The following ADAR variants were observed in gnomAD, a reference collection of about 807,000 sequenced individuals.
ADAR encodes the protein adenosine deaminase RNA specific.
Under a neutral mutation model 113.2 loss-of-function variants are expected in ADAR, and 41 were observed. The observed-to-expected ratio is 0.36, with a 90% CI of 0.28 to 0.47. The LOEUF is 0.47. ADAR is among the 20% of genes least tolerant of loss of function. The probability of loss-of-function intolerance (pLI) is 1.00; values close to 1 mark genes in which losing one functional copy is unlikely to be tolerated. For missense variants in ADAR, 1,242 were observed against 1,540.9 expected (o/e 0.81, Z 3.25); for synonymous variants, 605 against 572.6 (o/e 1.06, Z -0.81).
chr1:154,620,499 T>C (rs1303567076), intron 1 of ADAR, among the ~76,000 whole-genome samples: 1 of 152,188 alleles, frequency 6.6e-6, no homozygotes, highest in Non-Finnish European at 1.5e-5. Context: ...TCATAGAGCT[T>C]TATTCTTCTT....
rs779117036 is a variant in ADAR at position 154,601,511 on chromosome 1, T to C, written c.1131A>G (p.Pro377=). The change falls in exon 2 of 15, where the codon CCA becomes CCG. Residue 377 remains proline, a synonymous_variant. Coordinates refer to ENST00000368474, the MANE Select transcript of ADAR (RefSeq NM_001111.5). The surrounding 1 kb of genome is among the most constrained non-coding windows in gnomAD (Gnocchi z 4.7). ...TTCTTTTGGTCTCAGGGATTGCAGC[T>C]GGAGCGGTTTCAGGAACACTGTTCG... The part of the protein sequence containing the change: ...RNTNSVPETA[P]AAIPETKRNA... 2 of 1,613,856 alleles carry C rather than the reference T, an allele frequency of 1.2e-6. No individual in the cohort carries two copies. Among genetic ancestry groups the C allele is most frequent in the Non-Finnish European group, 1.7e-6 (2 of 1,180,032 alleles).
At position 154,582,576 on chromosome 1, in the gene ADAR, A is replaced by C. The variant is rs751348427; in HGVS notation, c.*2230T>G. Reference sequence around the variant, plus strand: ...GCTCTCTTCCTACAACAGAAACTGAATACTACAGGCTTGCTAGATAAGATC... The same window carrying C: ...GCTCTCTTCCTACAACAGAAACTGACTACTACAGGCTTGCTAGATAAGATC... On this transcript the variant is annotated 3_prime_UTR_variant, in exon 15 of 15. Transcript: ENST00000368474. The C allele has an allele frequency of 8.5e-5, 13 of 152,234 alleles. No individual in the cohort carries two copies. Among genetic ancestry groups the C allele is most frequent in the Admixed American group, 5.2e-4 (8 of 15,272 alleles). The allele number at this position is 152,234 out of a possible 1,614,324, so 9.4% of individuals were successfully genotyped here.
chr1:154,627,748 G>A, intron 1 of ADAR: 1 of 442,988 alleles, frequency 2.3e-6, no homozygotes, highest in Admixed American at 2.4e-5. Flanking sequence ...TGCCCTGCCG[G>A]GGCGCCCCCA....
chr1:154,584,245 T>A lies in ADAR; in HGVS notation c.*561A>T, dbSNP rs1696593581. 1 of 154,106 alleles carries A rather than the reference T, an allele frequency of 6.5e-6. No individual in the cohort carries two copies. The highest frequency in any genetic ancestry group is 2.4e-5 in the African/African-American group (1 of 41,422). 9.5% of individuals were successfully genotyped at this position (154,106 alleles called of 1,614,324 possible). A position where few individuals can be genotyped will look rare whatever the true frequency, so the allele number is the denominator to read the frequency against. On this transcript the variant is annotated 3_prime_UTR_variant, in exon 15 of 15. Transcript: ENST00000368474. ...GGCACTGGGAACTGCAGTTTTCAACTCCTACCCTTACAAATGTTTCACCAA... is the reference window on the plus strand; with the variant it reads ...GGCACTGGGAACTGCAGTTTTCAACACCTACCCTTACAAATGTTTCACCAA...
intron 1 of ADAR, among the ~76,000 whole-genome samples, chr1:154,619,769 G>C (rs186610534): frequency 6.6e-6 from 1 of 152,244 alleles, no homozygotes; most frequent in South Asian, 2.1e-4. Flanking sequence ...CTACAGAATG[G>C]CTAAAATAAA....
chr1:154,616,682 A>G (rs1698643438), intron 1 of ADAR, among the ~76,000 whole-genome samples: 1 of 152,172 alleles, frequency 6.6e-6, no homozygotes, highest in Non-Finnish European at 1.5e-5. Context: ...AAGTTCCAAG[A>G]AGCTAGGGCT....
At chr1:154,607,733 GCACACACA>G (rs551880161) in intron 1 of ADAR, among the ~76,000 whole-genome samples, 7 of 74,836 alleles carry the variant, frequency 9.4e-5, no homozygotes, top group Non-Finnish European at 1.7e-4. Context: ...ACACACACAC[GCACACACA>G]CACACACACA....
intron 6 of ADAR, among the ~76,000 whole-genome samples, chr1:154,593,359 T>C (rs1162439408): frequency 6.6e-6 from 1 of 152,218 alleles, no homozygotes; most frequent in Non-Finnish European, 1.5e-5. Flanking sequence ...CAGTGTCCTC[T>C]GTGTCCCCAC....
chr1:154,588,490 G>C (rs1696913208), intron 10 of ADAR, 61 bp downstream of exon 10: 1 of 1,604,928 alleles, frequency 6.2e-7, no homozygotes, highest in Non-Finnish European at 8.5e-7. Context: ...GAGAGCATTT[G>C]GATACCCAAT....
intron 1 of ADAR, among the ~76,000 whole-genome samples, chr1:154,618,841 G>A (rs1052672876): frequency 2.0e-5 from 3 of 152,212 alleles, no homozygotes; most frequent in African/African-American, 7.2e-5. Flanking sequence ...CGGCCGTGGT[G>A]GCTTATGCCT....
chr1:154,593,245 A>G (rs1697281985), intron 6 of ADAR, among the ~76,000 whole-genome samples: 1 of 152,156 alleles, frequency 6.6e-6, no homozygotes, highest in African/African-American at 2.4e-5. Context: ...ATTAAGAAGC[A>G]ACTAAAGTAT....
chr1:154,599,962 T>C lies in ADAR; in HGVS notation c.1601+1079A>G, dbSNP rs58670168. On this transcript the variant is annotated intron_variant, in intron 2 of 14. Coordinates refer to ENST00000368474, the MANE Select transcript of ADAR (RefSeq NM_001111.5). The stretch of plus-strand genomic sequence containing the variant: ...CCCCAGGAGCTATGCAGAGGGGGGA[T>C]TGTGGACCTGCTGCTGCTTAGCAGC... Among the ~76,000 whole-genome samples, 1,201 of 152,272 alleles carry C rather than the reference T, an allele frequency of 7.9e-3. 21 individuals carry two copies. The highest frequency in any genetic ancestry group is 0.027 in the African/African-American group (1,110 of 41,562).
intron 1 of ADAR, among the ~76,000 whole-genome samples, chr1:154,614,542 C>T (rs778092381): frequency 1.3e-5 from 2 of 152,274 alleles, no homozygotes; most frequent in Non-Finnish European, 2.9e-5. Context: ...TCAAGGCAGC[C>T]ACTGCCCTGC....
chr1:154,587,846 A>G (rs935791207), intron 11 of ADAR, among the ~76,000 whole-genome samples: 3 of 152,276 alleles, frequency 2.0e-5, no homozygotes, highest in African/African-American at 7.2e-5. Flanking sequence ...GATGACTCCC[A>G]TATTTCTATT....
At chr1:154,623,595 A>G (rs576192331) in intron 1 of ADAR, among the ~76,000 whole-genome samples, 4 of 152,298 alleles carry the variant, frequency 2.6e-5, no homozygotes, top group African/African-American at 9.6e-5. Context: ...GACCTCTCCA[A>G]TTGTGGTCTC....
At position 154,585,424 on chromosome 1, in the gene ADAR, G is replaced by C. The variant is rs558624350; in HGVS notation, c.3316-80C>G. Reference sequence around the variant, plus strand: ...CTGAAGCAGGGACTCAAGACTCATAGGAGAGAGGAAGTGTGGGGTCATGAT... The same window carrying C: ...CTGAAGCAGGGACTCAAGACTCATACGAGAGAGGAAGTGTGGGGTCATGAT... On this transcript the variant is annotated intron_variant, in intron 13 of 14. Transcript: ENST00000368474. 6.9e-6 allele frequency: 11 copies of C among 1,601,062 alleles called. No homozygotes were observed. In the Admixed American group the frequency reaches 1.0e-4, roughly 15 times the overall value.
chr1:154,588,577 C>T lies in ADAR; in HGVS notation c.2859G>A (p.Lys953=), dbSNP rs1696921083. 6.2e-7 allele frequency: 1 copy of T among 1,614,146 alleles called. No individual in the cohort carries two copies. Among genetic ancestry groups the T allele is most frequent in the Non-Finnish European group, 8.5e-7 (1 of 1,180,030 alleles). Residue 953 remains lysine (K), a synonymous_variant, in exon 10 of 15, where the codon AAG becomes AAA. Coordinates refer to ENST00000368474, the MANE Select transcript of ADAR (RefSeq NM_001111.5). The stretch of plus-strand genomic sequence containing the variant: ...TGATATACAGATGGAATGACACAGT[C>T]TTTTTTATTTGGAGCTTTTCTCCTC... ...AKGGEKLQIK[K]TVSFHLYIST... is the part of the protein sequence containing the mutation.
chr1:154,627,309 G>A (rs996929706), intron 1 of ADAR, among the ~76,000 whole-genome samples: 2 of 152,220 alleles, frequency 1.3e-5, no homozygotes, highest in Non-Finnish European at 2.9e-5. Context: ...TGACCCCGCA[G>A]TGAGCTTTCC....
upstream of ADAR, among the ~76,000 whole-genome samples, chr1:154,610,585 C>T (rs911456321): frequency 6.6e-6 from 1 of 151,930 alleles, no homozygotes; most frequent in Non-Finnish European, 1.5e-5. Flanking sequence ...CCGAGGTGGG[C>T]GGATCACGAG....
Sources: allele counts gnomAD v4.1 joint callset (sites outside exome capture counted in the v4.1 genomes callset), GRCh38; gene constraint gnomAD v4.1.1; non-coding constraint Gnocchi (gnomAD v3.1); transcripts MANE v1.5; gene names NCBI Gene and HGNC (gene_info 2026-07-23, HGNC 2026-07-21).